Variants in ST6GAL2 observed in about 807,000 individuals in gnomAD.
The protein encoded by ST6GAL2 is beta-galactoside alpha-2,6-sialyltransferase 2.
In ST6GAL2, 24 loss-of-function variants were observed where a neutral mutation model predicts 37.5. The observed-to-expected ratio is 0.64, with a 90% CI of 0.46 to 0.90. The LOEUF is 0.90. Ranked by LOEUF, ST6GAL2 falls within the 40% of genes least tolerant of loss-of-function variation. The pLI is 0.00. For missense variants in ST6GAL2, 715 were observed against 712.7 expected, an observed-to-expected ratio of 1.00 and a Z score of -0.04; for synonymous variants, 306 against 295.1, an observed-to-expected ratio of 1.04 and a Z score of -0.38.
rs556304804 is a variant in ST6GAL2 at position 106,806,411 on chromosome 2, T to A, written c.*267A>T. Reference sequence around the variant, plus strand: ...GTTGTTAACATTTCTGGAGGTATCATACCCATGGTCATACATGTGTTTTCT... The same window carrying A: ...GTTGTTAACATTTCTGGAGGTATCAAACCCATGGTCATACATGTGTTTTCT... On this transcript the variant is annotated 3_prime_UTR_variant, in exon 6 of 6. Coordinates refer to ENST00000409382, the MANE Select transcript of ST6GAL2 (RefSeq NM_001142351.2). The A allele has an allele frequency of 6.9e-5, 29 of 418,944 alleles. No individual in the cohort carries two copies. The South Asian group carries it at 1.0e-3, about 15-fold the overall frequency. 26.0% of individuals were successfully genotyped at this position (418,944 alleles called of 1,614,324 possible). A position where few individuals can be genotyped will look rare whatever the true frequency, so the allele number is the denominator to read the frequency against.
chr2:106,818,304 GT>G (rs1305616713), intron 5 of ST6GAL2, among the ~76,000 whole-genome samples: 1 of 152,176 alleles, frequency 6.6e-6, no homozygotes, highest in Non-Finnish European at 1.5e-5. Flanking sequence ...ATCCAGTACA[GT>G]CCCAGTGATG....
intron 5 of ST6GAL2, among the ~76,000 whole-genome samples, chr2:106,809,219 G>C (rs1675524708): frequency 6.6e-6 from 1 of 152,250 alleles, no homozygotes; most frequent in Non-Finnish European, 1.5e-5. Flanking sequence ...TGCTCTGCCA[G>C]CTCTGCACAA....
intron 2 of ST6GAL2, 147 bp downstream of exon 2, chr2:106,842,887 TG>T: frequency 2.0e-6 from 1 of 511,946 alleles, no homozygotes; most frequent in Middle Eastern, 5.5e-4. Flanking sequence ...GGAAAGCACC[TG>T]AAGAATCTCC....
intron 1 of ST6GAL2, among the ~76,000 whole-genome samples, chr2:106,881,153 T>C (rs1017771326): frequency 1.8e-4 from 28 of 151,990 alleles, no homozygotes; most frequent in African/African-American, 6.8e-4. Context: ...ACCTAGCTAA[T>C]TTTTGAAAAT....
Position 106,813,027 on chromosome 2 carries a change from T to G in ST6GAL2, c.1319-6078A>C, listed in dbSNP as rs182703504. 21 of 1,227,982 alleles carry G rather than the reference T, an allele frequency of 1.7e-5. No individual in the cohort carries two copies. In the South Asian group the frequency reaches 2.1e-4, roughly 12 times the overall value. 76.1% of individuals were successfully genotyped at this position (1,227,982 alleles called of 1,614,324 possible). On this transcript the variant is annotated intron_variant, in intron 5 of 5. Transcript: ENST00000409382. Reference sequence around the variant, plus strand: ...AGATCAAGATTTAGACACGTTTTAATGTATTTTTTCAAGCCAATCAAATGG... The same window carrying G: ...AGATCAAGATTTAGACACGTTTTAAGGTATTTTTTCAAGCCAATCAAATGG...
intron 1 of ST6GAL2, among the ~76,000 whole-genome samples, chr2:106,855,091 G>C (rs1677523367): frequency 6.6e-6 from 1 of 152,106 alleles, no homozygotes; most frequent in South Asian, 2.1e-4. Context: ...TCTATCATAA[G>C]GTGGCATATA....
At chr2:106,886,923 G>C (rs537014280), upstream of ST6GAL2, 1,021 of 152,562 alleles carry the variant, frequency 6.7e-3, 3 homozygotes, top group Non-Finnish European at 0.01. Flanking sequence ...CTAAAAAGGC[G>C]TGTTTCTCCC....
At chr2:106,859,881 T>C (rs1186446509) in intron 1 of ST6GAL2, among the ~76,000 whole-genome samples, 2 of 148,612 alleles carry the variant, frequency 1.3e-5, no homozygotes, top group Non-Finnish European at 3.0e-5. Flanking sequence ...TACTTCAAAT[T>C]AAAAAAAAAA....
intron 1 of ST6GAL2, among the ~76,000 whole-genome samples, chr2:106,853,056 G>GA (rs1221044688): frequency 1.3e-5 from 2 of 152,180 alleles, no homozygotes; most frequent in Admixed American, 6.5e-5. Context: ...CACGAAGCCA[G>GA]AAAAAATTGC....
Position 106,805,037 on chromosome 2 carries a change from C to A in ST6GAL2, c.*1641G>T, listed in dbSNP as rs1251099531. On this transcript the variant is annotated 3_prime_UTR_variant, in exon 6 of 6. Coordinates refer to ENST00000409382, the MANE Select transcript of ST6GAL2 (RefSeq NM_001142351.2). ...TCCAATTTCTCCTTCACTATTATAG[C>A]AAGCTATAGGAGATGTCTTGTTTTC... 6.6e-6 allele frequency: 1 copy of A among 152,088 alleles called. No homozygotes were observed. Among genetic ancestry groups the A allele is most frequent in the Non-Finnish European group, 1.5e-5 (1 of 68,026 alleles). The allele number at this position is 152,088 out of a possible 1,614,324, so 9.4% of individuals were successfully genotyped here.
At chr2:106,830,351 G>A (rs1009410829) in intron 4 of ST6GAL2, 111 bp from the exon 5 acceptor site, 25 of 831,458 alleles carry the variant, frequency 3.0e-5, no homozygotes, top group Non-Finnish European at 4.6e-5. Context: ...CTAGAGGATG[G>A]GGAAAGATCA....
Position 106,805,921 on chromosome 2 carries a change from G to C in ST6GAL2, c.*757C>G, listed in dbSNP as rs1455799225. 6.6e-6 allele frequency: 1 copy of C among 152,392 alleles called. No homozygotes were observed. Among genetic ancestry groups the C allele is most frequent in the Non-Finnish European group, 1.5e-5 (1 of 68,186 alleles). The allele number at this position is 152,392 out of a possible 1,614,324, so 9.4% of individuals were successfully genotyped here. A position where few individuals can be genotyped will look rare whatever the true frequency, so the allele number is the denominator to read the frequency against. On this transcript the variant is annotated 3_prime_UTR_variant, in exon 6 of 6. Coordinates refer to ENST00000409382, the MANE Select transcript of ST6GAL2 (RefSeq NM_001142351.2). Reference sequence around the variant, plus strand: ...CCCTGTGATTCTATGTTACTTGCCAGTGATGTGCCTCCTGGTGGATGTGAT... The same window carrying C: ...CCCTGTGATTCTATGTTACTTGCCACTGATGTGCCTCCTGGTGGATGTGAT...
rs759351346 is a variant in ST6GAL2 at position 106,806,407 on chromosome 2, A to T, written c.*271T>A. 7.5e-6 allele frequency: 3 copies of T among 400,410 alleles called. No homozygotes were observed. The highest frequency in any genetic ancestry group is 1.3e-5 in the Non-Finnish European group (3 of 222,228). 24.8% of individuals were successfully genotyped at this position (400,410 alleles called of 1,614,324 possible). ...ATAAGTTGTTAACATTTCTGGAGGT[A>T]TCATACCCATGGTCATACATGTGTT... is the stretch of plus-strand genomic sequence containing the variant. On this transcript the variant is annotated 3_prime_UTR_variant, in exon 6 of 6. Transcript: ENST00000409382.
At chr2:106,809,313 G>A (rs1018459233) in intron 5 of ST6GAL2, among the ~76,000 whole-genome samples, 7 of 152,206 alleles carry the variant, frequency 4.6e-5, no homozygotes, top group Non-Finnish European at 8.8e-5. Flanking sequence ...CACATGGCAG[G>A]GGGGTGGCTT....
chr2:106,826,463 C>A (rs1012310321), intron 5 of ST6GAL2, among the ~76,000 whole-genome samples: 1 of 151,262 alleles, frequency 6.6e-6, no homozygotes, highest in Non-Finnish European at 1.5e-5. Context: ...TTGCTTGAAC[C>A]TGGGAGGCAG....
chr2:106,861,617 T>C (rs545307538), intron 1 of ST6GAL2, among the ~76,000 whole-genome samples: 43 of 151,986 alleles, frequency 2.8e-4, no homozygotes, highest in Non-Finnish European at 4.9e-4. Context: ...CATTTATTCT[T>C]TCTTTTTTTT....
chr2:106,807,440 A>T (rs1327825959), intron 5 of ST6GAL2, among the ~76,000 whole-genome samples: 1 of 152,236 alleles, frequency 6.6e-6, no homozygotes, highest in African/African-American at 2.4e-5. Flanking sequence ...CTTGTAACAT[A>T]AAACTGTACA....
intron 1 of ST6GAL2, among the ~76,000 whole-genome samples, chr2:106,869,441 C>T (rs546826472): frequency 1.3e-5 from 2 of 152,294 alleles, no homozygotes; most frequent in South Asian, 2.1e-4. Context: ...AAAATATCGA[C>T]CGCCCTTTAA....
chr2:106,828,225 C>T (rs1394300429), intron 5 of ST6GAL2, among the ~76,000 whole-genome samples: 1 of 152,136 alleles, frequency 6.6e-6, no homozygotes, highest in Non-Finnish European at 1.5e-5. Context: ...AAAACTTTTG[C>T]TCTAATCAAA....
Sources: gnomAD v4.1 joint callset for allele counts (sites outside exome capture counted in the v4.1 genomes callset) on GRCh38, gnomAD v4.1.1 for gene constraint, MANE v1.5 for transcripts, NCBI Gene and HGNC (gene_info 2026-07-23, HGNC 2026-07-21) for gene names.